Variants in TNKS observed in about 807,000 individuals in gnomAD.
TNKS encodes the protein tankyrase, also known as poly [ADP-ribose] polymerase tankyrase-1.
In TNKS, 72 loss-of-function variants were observed where a neutral mutation model predicts 135.8. The ratio of observed to expected loss-of-function variants is 0.53; its 90% CI spans 0.44 to 0.64. The LOEUF (loss-of-function observed/expected upper bound fraction) is 0.64. Among genes scored for constraint, TNKS ranks in the 30% least tolerant of loss-of-function variants. TNKS has a pLI of 0.00. For synonymous variants in TNKS, 849 were observed against 649.3 expected (o/e 1.31, Z -4.68); for missense variants, 1,769 against 1,674.0 (o/e 1.06, Z -0.99).
chr8:9,717,101 A>ATATATATATATATATATATT (rs1454492300), intron 11 of TNKS, among the ~76,000 whole-genome samples: 27 of 119,308 alleles, frequency 2.3e-4, no homozygotes, highest in Admixed American at 2.6e-4. Context: ...ATATATATAT[A>ATATATATATATATATATATT]TTTTCAGGGA....
intron 17 of TNKS, among the ~76,000 whole-genome samples, chr8:9,741,291 T>C (rs74680483): frequency 0.012 from 1,818 of 152,280 alleles, 36 homozygotes; most frequent in African/African-American, 0.04. Context: ...AGATCTTTTA[T>C]CGTCTCTGTA....
chr8:9,758,318 C>T (rs575181374), intron 20 of TNKS, among the ~76,000 whole-genome samples: 1 of 152,098 alleles, frequency 6.6e-6, no homozygotes, highest in South Asian at 2.1e-4. Context: ...GTCCCATTCC[C>T]TTTTTGTTTT....
In TNKS at chr8:9,556,313, G is replaced by A. The variant is rs374540073; in HGVS notation, c.374G>A (p.Ser125Asn). 1.9e-6 allele frequency: 3 copies of A among 1,614,138 alleles called. No individual in the cohort carries two copies. The African/African-American group carries it at 4.0e-5, about 22-fold the overall frequency. The change falls in exon 1 of 27, where the codon AGT (serine) becomes AAT (asparagine). Residue 125 changes from serine to asparagine, a missense_variant. Physicochemically the swap from Ser to Asn is conservative, Grantham distance 46. This residue lies in a region of TNKS where 450 missense variants were observed against 304.9 expected (regional missense o/e 1.48). Transcript: ENST00000310430. ...GVAPNPAGSG[S>N]NNSPSSSSSP... Reference sequence around the variant, plus strand: ...GCTCCCAACCCAGCCGGCAGTGGCAGTAACAATTCACCGTCGTCCTCTTCT... The same window carrying A: ...GCTCCCAACCCAGCCGGCAGTGGCAATAACAATTCACCGTCGTCCTCTTCT...
At chr8:9,749,777 A>G (rs1806424010) in intron 18 of TNKS, among the ~76,000 whole-genome samples, 1 of 152,086 alleles carries the variant, frequency 6.6e-6, no homozygotes, top group Non-Finnish European at 1.5e-5. Flanking sequence ...ACCACTGTAC[A>G]TAGCCTCTGT....
intron 5 of TNKS, among the ~76,000 whole-genome samples, chr8:9,685,081 G>A (rs544635199): frequency 7.9e-5 from 12 of 152,200 alleles, no homozygotes; most frequent in African/African-American, 2.6e-4. Flanking sequence ...ATTTCTTTAA[G>A]TGTCAACTTT....
chr8:9,726,206 C>T (rs900460248), intron 12 of TNKS, among the ~76,000 whole-genome samples: 1 of 152,068 alleles, frequency 6.6e-6, no homozygotes, highest in Non-Finnish European at 1.5e-5. Context: ...GCCTGGGCAA[C>T]ATGGTGAAAA....
chr8:9,576,466 CTTTTTT>C (rs915555599), intron 1 of TNKS, among the ~76,000 whole-genome samples: 1 of 131,478 alleles, frequency 7.6e-6, no homozygotes, highest in African/African-American at 2.8e-5. Context: ...CCACCCCCCT[CTTTTTT>C]TTTTTTTTTT....
intron 3 of TNKS, among the ~76,000 whole-genome samples, chr8:9,661,288 C>T (rs1801697421): frequency 6.6e-6 from 1 of 152,160 alleles, no homozygotes; most frequent in Admixed American, 6.5e-5. Flanking sequence ...CAATCCTAAG[C>T]TGAAAGAACA....
intron 1 of TNKS, chr8:9,566,303 T>A (rs1184785714): frequency 6.6e-6 from 1 of 152,188 alleles, no homozygotes; most frequent in African/African-American, 2.4e-5. Context: ...TGGATAAATT[T>A]TTGAAACTTT....
chr8:9,680,819 A>G lies in TNKS; in HGVS notation c.1107+19A>G. 6.3e-7 allele frequency: 1 copy of G among 1,596,532 alleles called. No individual in the cohort carries two copies. The highest frequency in any genetic ancestry group is 8.6e-7 in the Non-Finnish European group (1 of 1,165,102). The stretch of plus-strand genomic sequence containing the variant: ...GCGAAAGGTAAGTTATTTTAAATAC[A>G]ATCCTCTTTAATTGCAATGCTTCAA... On this transcript the variant is annotated intron_variant, in intron 5 of 26. Coordinates refer to ENST00000310430, the MANE Select transcript of TNKS (RefSeq NM_003747.3).
chr8:9,587,397 A>ATTTTTTTTTTTTTTTTTTTTT (rs71201955), intron 2 of TNKS, among the ~76,000 whole-genome samples: 1 of 141,398 alleles, frequency 7.1e-6, no homozygotes, highest in Non-Finnish European at 1.5e-5. Flanking sequence ...CGACACCTTG[A>ATTTTTTTTTTTTTTTTTTTTT]TTTTTTTTTT....
At chr8:9,581,520 C>G (rs896080133) in intron 2 of TNKS, among the ~76,000 whole-genome samples, 9 of 152,192 alleles carry the variant, frequency 5.9e-5, no homozygotes, top group African/African-American at 2.2e-4. Context: ...ATAACATCCT[C>G]TCTCTGACTA....
chr8:9,674,635 G>A (rs532734400), intron 3 of TNKS, among the ~76,000 whole-genome samples: 1 of 152,258 alleles, frequency 6.6e-6, no homozygotes, highest in Admixed American at 6.5e-5. Flanking sequence ...TGGTGTGACT[G>A]ATGAACAGAA....
chr8:9,662,218 C>G (rs557296037), intron 3 of TNKS, among the ~76,000 whole-genome samples: 2 of 152,228 alleles, frequency 1.3e-5, no homozygotes, highest in African/African-American at 4.8e-5. Context: ...CTAGAAATAC[C>G]ATTTGACGCA....
intron 1 of TNKS, among the ~76,000 whole-genome samples, chr8:9,575,792 A>T (rs941566514): frequency 1.2e-4 from 19 of 152,220 alleles, no homozygotes; most frequent in African/African-American, 4.1e-4. Flanking sequence ...GCTTTTATCA[A>T]TTTGCATGGA....
intron 9 of TNKS, among the ~76,000 whole-genome samples, chr8:9,709,209 A>G (rs1804198984): frequency 6.6e-6 from 1 of 152,126 alleles, no homozygotes; most frequent in South Asian, 2.1e-4. Flanking sequence ...AAACAACATT[A>G]AAGGATTGAC....
At chr8:9,646,893 A>G (rs1423830088) in intron 3 of TNKS, among the ~76,000 whole-genome samples, 1 of 152,188 alleles carries the variant, frequency 6.6e-6, no homozygotes, top group African/African-American at 2.4e-5. Flanking sequence ...GAAGAGCACT[A>G]TTATGCGACT....
At chr8:9,568,118 CCTGTAGACCTTCT>C (rs1252027805) in intron 1 of TNKS, among the ~76,000 whole-genome samples, 1 of 152,124 alleles carries the variant, frequency 6.6e-6, no homozygotes, top group African/African-American at 2.4e-5. Flanking sequence ...TTGAGAGTGA[CCTGTAGACCTTCT>C]CTGTCAGTAT....
At chr8:9,681,779 A>G (rs1392500064) in intron 5 of TNKS, among the ~76,000 whole-genome samples, 1 of 152,164 alleles carries the variant, frequency 6.6e-6, no homozygotes, top group African/African-American at 2.4e-5. Flanking sequence ...TTTGCAGATC[A>G]GATTTTTGCA....
Sources: gnomAD v4.1 joint callset for allele counts (sites outside exome capture counted in the v4.1 genomes callset) on GRCh38, gnomAD v4.1.1 for gene constraint, gnomAD v4.1.1 regional missense constraint, MANE v1.5 for transcripts, NCBI Gene and HGNC (gene_info 2026-07-23, HGNC 2026-07-21) for gene names.